The following TRIP12 variants were observed in gnomAD, a reference collection of about 807,000 sequenced individuals.
TRIP12 encodes thyroid hormone receptor interactor 12, also known as E3 ubiquitin-protein ligase TRIP12.
In TRIP12, 25 loss-of-function variants were observed where a neutral mutation model predicts 244.2. The observed-to-expected ratio is 0.10, with a 90% CI of 0.07 to 0.14. The LOEUF (loss-of-function observed/expected upper bound fraction) is 0.14, where lower values mean the gene tolerates loss of function less well. Among genes scored for constraint, TRIP12 ranks in the 10% least tolerant of loss-of-function variants. TRIP12 has a pLI of 1.00. For missense variants in TRIP12, 1,677 were observed against 2,486.4 expected, an observed-to-expected ratio of 0.67 and a Z score of 6.92; for synonymous variants, 905 against 873.1, an observed-to-expected ratio of 1.04 and a Z score of -0.64.
chr2:229,859,118 T>C lies in TRIP12; in HGVS notation c.681A>G (p.Ser227=). The part of the protein sequence containing the change: ...PTKLASKSAT[S]AKAGCSTITD... ...TGATGGTGCTACACCCAGCTTTGGC[T>C]GAGGTGGCTGATTTTGAAGCCAGCT... Residue 227 remains serine (S), a synonymous_variant, in exon 4 of 42, where the codon TCA becomes TCG. Transcript: ENST00000675903. 1 of 1,614,208 alleles carries C rather than the reference T, an allele frequency of 6.2e-7. No individual in the cohort carries two copies. Among genetic ancestry groups the C allele is most frequent in the Non-Finnish European group, 8.5e-7 (1 of 1,180,030 alleles).
intron 4 of TRIP12, among the ~76,000 whole-genome samples, chr2:229,848,021 G>C (rs966997790): frequency 1.3e-5 from 2 of 151,964 alleles, no homozygotes; most frequent in Non-Finnish European, 2.9e-5. Context: ...CAGAACTCAG[G>C]CACTTAGGGC....
At chr2:229,840,423 C>T (rs558073850) in intron 5 of TRIP12, among the ~76,000 whole-genome samples, 160 of 152,200 alleles carry the variant, frequency 1.1e-3, no homozygotes, top group Non-Finnish European at 1.6e-3. Flanking sequence ...TAAAAATCAT[C>T]GGGCACGGTG....
At chr2:229,828,819 C>T (rs911373759) in intron 8 of TRIP12, among the ~76,000 whole-genome samples, 4 of 152,028 alleles carry the variant, frequency 2.6e-5, no homozygotes, top group African/African-American at 9.7e-5. Context: ...ATCCTTATGT[C>T]CAAATATTTA....
chr2:229,858,823 T>C lies in TRIP12; in HGVS notation c.976A>G (p.Lys326Glu). Reference protein sequence around the residue: ...KTKLSLPGSSKSETSKPGPSG... With the variant: ...KTKLSLPGSSESETSKPGPSG... ...GGTCCAGGTTTTGATGTCTCTGACT[T>C]AGAAGACCCTGGAAGAGACAGTTTT... Residue 326 changes from lysine to glutamate, a missense_variant, in exon 4 of 42, where the codon AAG (lysine) becomes GAG (glutamate). By Grantham distance (56) the Lys-to-Glu change is moderately conservative. This residue lies in a region of TRIP12 where 387 missense variants were observed against 392.6 expected (regional missense o/e 0.99). Transcript: ENST00000675903. The C allele has an allele frequency of 6.2e-7, 1 of 1,613,058 alleles. No homozygotes were observed. Among genetic ancestry groups the C allele is most frequent in the Non-Finnish European group, 8.5e-7 (1 of 1,179,140 alleles).
intron 39 of TRIP12, among the ~76,000 whole-genome samples, chr2:229,770,113 G>A (rs1024925391): frequency 6.6e-6 from 1 of 151,956 alleles, no homozygotes; most frequent in Non-Finnish European, 1.5e-5. Flanking sequence ...TGAGACTACA[G>A]GTGCATACCA....
At chr2:229,830,863 G>A (rs757425405) in intron 6 of TRIP12, 24 bp from the exon 7 acceptor site, 6 of 1,609,608 alleles carry the variant, frequency 3.7e-6, no homozygotes, top group African/African-American at 2.7e-5. Flanking sequence ...GGAAAGATGA[G>A]GGTTAGGAGG....
At position 229,778,633 on chromosome 2, in the gene TRIP12, A is replaced by C; in HGVS notation, c.5210-46T>G. The C allele has an allele frequency of 6.3e-7, 1 of 1,582,146 alleles. No homozygotes were observed. The highest frequency in any genetic ancestry group is 1.4e-5 in the African/African-American group (1 of 73,178). On this transcript the variant is annotated intron_variant, in intron 35 of 41. Transcript: ENST00000675903. This position sits in a 1 kb window ranked among gnomAD's most constrained non-coding sequence, Gnocchi z 4.1. ...CAAACTTCAGATGATGTTTCCAAAA[A>C]CAAAACAAAACCTGGTAACTAAGAA...
chr2:229,787,486 A>AT lies in TRIP12; in HGVS notation c.4995+18dup. 1 of 1,593,854 alleles carries AT rather than the reference A, an allele frequency of 6.3e-7. No homozygotes were observed. The highest frequency in any genetic ancestry group is 8.5e-7 in the Non-Finnish European group (1 of 1,173,766). On this transcript the variant is annotated intron_variant, in intron 33 of 41. Coordinates refer to ENST00000675903, the MANE Select transcript of TRIP12 (RefSeq NM_001348323.3). ...TTTGAAAAGCTCAGATTATTTAAAG[A>AT]TTTTGGGGAGAAACTTACTTTTTTT...
At chr2:229,906,544 A>G (rs992853453) in intron 1 of TRIP12, among the ~76,000 whole-genome samples, 5 of 151,322 alleles carry the variant, frequency 3.3e-5, no homozygotes, top group African/African-American at 1.2e-4. Context: ...ACATGGTGAA[A>G]CCCTGTCTCT....
intron 4 of TRIP12, 90 bp downstream of exon 4, chr2:229,858,682 A>C: frequency 8.6e-7 from 1 of 1,166,322 alleles, no homozygotes; most frequent in Non-Finnish European, 1.2e-6. Context: ...GACTGGGGGG[A>C]AAAAACCCTT....
At chr2:229,796,913 G>C (rs1453495326) in intron 24 of TRIP12, 131 bp from the exon 25 acceptor site, 24 of 663,194 alleles carry the variant, frequency 3.6e-5, no homozygotes, top group Non-Finnish European at 4.7e-5. Flanking sequence ...GAGTGGTACA[G>C]TCTTAGTAAA....
intron 2 of TRIP12, among the ~76,000 whole-genome samples, chr2:229,874,124 G>T (rs2063179776): frequency 6.6e-6 from 1 of 151,366 alleles, no homozygotes; most frequent in South Asian, 2.1e-4. Flanking sequence ...TAATAAAAGA[G>T]TAAGTATCTC....
intron 1 of TRIP12, among the ~76,000 whole-genome samples, chr2:229,913,560 A>G (rs1364180506): frequency 2.0e-5 from 3 of 152,240 alleles, no homozygotes; most frequent in African/African-American, 7.2e-5. Context: ...TAGGGTCTTA[A>G]CAATTCCTTA....
intron 1 of TRIP12, among the ~76,000 whole-genome samples, chr2:229,889,319 G>GA: frequency 6.6e-6 from 1 of 152,206 alleles, no homozygotes; most frequent in Non-Finnish European, 1.5e-5. Flanking sequence ...ACTGTAAGAT[G>GA]ATCAATTATC....
In TRIP12 at chr2:229,828,026, T is replaced by C. The variant is rs563874171; in HGVS notation, c.1450+1167A>G. Among the ~76,000 whole-genome samples, 8 of 152,326 alleles carry C rather than the reference T, an allele frequency of 5.3e-5. No homozygotes were observed. In the South Asian group the frequency reaches 1.7e-3, roughly 32 times the overall value. ...TGAGCATTTTTCAGCTCCATTATAA[T>C]CTTGTGGGACTAATGTAGTGTGTGT... On this transcript the variant is annotated intron_variant, in intron 8 of 41. Transcript: ENST00000675903.
intron 1 of TRIP12, among the ~76,000 whole-genome samples, chr2:229,914,625 T>C (rs2075025739): frequency 6.6e-6 from 1 of 152,220 alleles, no homozygotes; most frequent in Non-Finnish European, 1.5e-5. Flanking sequence ...TTAAATTAAG[T>C]TCATCTGACC....
At chr2:229,816,231 A>G (rs914296687) in intron 9 of TRIP12, among the ~76,000 whole-genome samples, 2 of 152,146 alleles carry the variant, frequency 1.3e-5, no homozygotes, top group African/African-American at 4.8e-5. Context: ...TGCTGGGTAA[A>G]GTATACCTAC....
chr2:229,869,199 AT>A (rs1374239651), intron 2 of TRIP12, among the ~76,000 whole-genome samples: 1 of 152,156 alleles, frequency 6.6e-6, no homozygotes, highest in Non-Finnish European at 1.5e-5. Flanking sequence ...CATTTTAACT[AT>A]GCCCTATTTC....
chr2:229,841,243 T>C (rs190455639), intron 4 of TRIP12, among the ~76,000 whole-genome samples: 2 of 152,354 alleles, frequency 1.3e-5, no homozygotes, highest in Non-Finnish European at 2.9e-5. Flanking sequence ...GCGAGTTTTT[T>C]TGTATATACC....
Sources: gnomAD v4.1 joint callset for allele counts (sites outside exome capture counted in the v4.1 genomes callset) on GRCh38, gnomAD v4.1.1 for gene constraint, gnomAD v4.1.1 regional missense constraint, Gnocchi (gnomAD v3.1) non-coding constraint, MANE v1.5 for transcripts, NCBI Gene and HGNC (gene_info 2026-07-23, HGNC 2026-07-21) for gene names.